CTNND2: variants seen among roughly 807,000 people sequenced by gnomAD.
The protein encoded by CTNND2 is catenin delta-2.
In CTNND2, 22 loss-of-function variants were observed where a neutral mutation model predicts 144.4. That is an observed-to-expected ratio of 0.15 (90% CI 0.11 to 0.22). CTNND2 has a LOEUF of 0.22. Among genes scored for constraint, CTNND2 ranks in the 10% least tolerant of loss-of-function variants. The pLI is 1.00. For missense variants in CTNND2, 1,353 were observed against 1,618.8 expected (o/e 0.84, Z 2.82); for synonymous variants, 751 against 695.6 (o/e 1.08, Z -1.25).
At chr5:11,372,472 T>C (rs1296342315) in intron 7 of CTNND2, among the ~76,000 whole-genome samples, 1 of 152,162 alleles carries the variant, frequency 6.6e-6, no homozygotes, top group Non-Finnish European at 1.5e-5. Context: ...AGGTTGTTCT[T>C]CCTCTCTAGT....
chr5:11,249,701 T>C (rs181653013), intron 9 of CTNND2, among the ~76,000 whole-genome samples: 92 of 152,246 alleles, frequency 6.0e-4, no homozygotes, highest in African/African-American at 2.2e-3. Context: ...ATGGATTACA[T>C]TAGATTGTTT....
chr5:11,649,837 A>AATTC (rs1427455051), intron 2 of CTNND2, among the ~76,000 whole-genome samples: 1 of 152,160 alleles, frequency 6.6e-6, no homozygotes, highest in African/African-American at 2.4e-5. Flanking sequence ...TACAACAATT[A>AATTC]ATTCTTCTAA....
chr5:11,791,744 C>T (rs1324506029), intron 1 of CTNND2, among the ~76,000 whole-genome samples: 1 of 152,186 alleles, frequency 6.6e-6, no homozygotes, highest in Admixed American at 6.5e-5. Flanking sequence ...TCAGAATTAA[C>T]ATTTATCCTA....
chr5:11,382,462 G>A (rs115289481), intron 7 of CTNND2, among the ~76,000 whole-genome samples: 5 of 152,088 alleles, frequency 3.3e-5, no homozygotes, highest in Non-Finnish European at 7.4e-5. Flanking sequence ...AGCCAGGCGT[G>A]GGGGCAGGTG....
chr5:11,226,243 T>C (rs1343041572), intron 10 of CTNND2, among the ~76,000 whole-genome samples: 1 of 152,224 alleles, frequency 6.6e-6, no homozygotes, highest in Admixed American at 6.5e-5. Flanking sequence ...GTACTCTCTC[T>C]GACTGCCTTC....
chr5:11,083,155 C>T (rs925892239), intron 15 of CTNND2, among the ~76,000 whole-genome samples: 1 of 152,092 alleles, frequency 6.6e-6, no homozygotes, highest in Non-Finnish European at 1.5e-5. Context: ...CTTCAAGATA[C>T]AGAGGTTTGG....
intron 3 of CTNND2, among the ~76,000 whole-genome samples, chr5:11,548,256 A>C (rs755783047): frequency 6.6e-6 from 1 of 152,218 alleles, no homozygotes; most frequent in Non-Finnish European, 1.5e-5. Flanking sequence ...ATAAACACAA[A>C]ATTGAGAAAG....
Position 11,199,548 on chromosome 5 carries a change from G to A in CTNND2, c.1875C>T (p.Asn625=), listed in dbSNP as rs375489164. ...TTTTCAGGGCAATTTTGTTATCATC[G>A]TTGGCCTTCCCATACACCAGGTTTC... ...ALRNLVYGKA[N]DDNKIALKNC... Residue 625 remains asparagine, a synonymous_variant, in exon 11 of 22, where the codon AAC becomes AAT. Coordinates refer to ENST00000304623, the MANE Select transcript of CTNND2 (RefSeq NM_001332.4). 31 of 1,613,982 alleles carry A rather than the reference G, an allele frequency of 1.9e-5. No homozygotes were observed. The highest frequency in any genetic ancestry group is 2.7e-5 in the African/African-American group (2 of 74,880).
rs1290280230 is a variant in CTNND2, at chr5:11,774,299, T to G, written c.38-42027A>C. On this transcript the variant is annotated intron_variant, in intron 1 of 21. Coordinates refer to ENST00000304623, the MANE Select transcript of CTNND2 (RefSeq NM_001332.4). ...CAAAGGACATGAACTCATCATTTTT[T>G]ATGGCTGCATAGTATTCCATGGTGT... Among the ~76,000 whole-genome samples the G allele has an allele frequency of 2.0e-5, 3 of 151,248 alleles. No individual in the cohort carries two copies. The Admixed American group carries it at 2.0e-4, about 10-fold the overall frequency.
chr5:11,063,966 A>G (rs1405134381), intron 16 of CTNND2, among the ~76,000 whole-genome samples: 1 of 152,194 alleles, frequency 6.6e-6, no homozygotes, highest in African/African-American at 2.4e-5. Context: ...TGGTCAGGCC[A>G]TGCTGGGGAA....
intron 9 of CTNND2, among the ~76,000 whole-genome samples, chr5:11,324,725 C>A (rs1045816583): frequency 6.6e-6 from 1 of 152,206 alleles, no homozygotes; most frequent in African/African-American, 2.4e-5. Context: ...ACCTCCACCA[C>A]AGTGTGCCAT....
chr5:11,488,567 T>A (rs533943989), intron 3 of CTNND2, among the ~76,000 whole-genome samples: 1 of 152,354 alleles, frequency 6.6e-6, no homozygotes, highest in South Asian at 2.1e-4. Context: ...AAGAATATTT[T>A]AAAATTACCA....
intron 3 of CTNND2, among the ~76,000 whole-genome samples, chr5:11,457,775 C>T (rs1482976959): frequency 6.6e-6 from 1 of 152,212 alleles, no homozygotes; most frequent in African/African-American, 2.4e-5. Flanking sequence ...ACTTCAAGAT[C>T]CAACAACATG....
At chr5:11,297,199 C>CA (rs1329251922) in intron 9 of CTNND2, among the ~76,000 whole-genome samples, 1 of 152,128 alleles carries the variant, frequency 6.6e-6, no homozygotes, top group Admixed American at 6.6e-5. Context: ...TTACACAGTA[C>CA]AAAAAAGTTC....
chr5:11,327,368 T>C (rs1752634726), intron 9 of CTNND2, among the ~76,000 whole-genome samples: 1 of 152,196 alleles, frequency 6.6e-6, no homozygotes, highest in African/African-American at 2.4e-5. Flanking sequence ...GGGGTAAGCA[T>C]TGTTTGAAAC....
chr5:11,395,467 G>A (rs1237870405), intron 6 of CTNND2, among the ~76,000 whole-genome samples: 1 of 152,150 alleles, frequency 6.6e-6, no homozygotes, highest in African/African-American at 2.4e-5. Flanking sequence ...AGTAACCTTT[G>A]CCTCAAACTT....
chr5:11,824,026 C>T (rs150173797), intron 1 of CTNND2, among the ~76,000 whole-genome samples: 2,989 of 136,162 alleles, frequency 0.022, 53 homozygotes, highest in Non-Finnish European at 0.029. Context: ...TCGCTTGAAC[C>T]GGGGAGGTGG....
At chr5:11,497,987 C>T (rs541189168) in intron 3 of CTNND2, among the ~76,000 whole-genome samples, 18 of 152,222 alleles carry the variant, frequency 1.2e-4, no homozygotes, top group Admixed American at 3.9e-4. Context: ...AACAACTGCA[C>T]ATCAAAGGGG....
chr5:11,375,067 T>C (rs1451973758), intron 7 of CTNND2, among the ~76,000 whole-genome samples: 1 of 152,186 alleles, frequency 6.6e-6, no homozygotes, highest in Non-Finnish European at 1.5e-5. Context: ...TAAACGAAGA[T>C]GTTTTACATC....
Sources: allele counts gnomAD v4.1 joint callset (sites outside exome capture counted in the v4.1 genomes callset), GRCh38; gene constraint gnomAD v4.1.1; transcripts MANE v1.5; gene names NCBI Gene and HGNC (gene_info 2026-07-23, HGNC 2026-07-21).